DCC: variants seen among roughly 807,000 people sequenced by gnomAD.
DCC encodes the protein DCC netrin 1 receptor, also known as netrin receptor DCC.
In DCC, 58 loss-of-function variants were observed where a neutral mutation model predicts 172.5. The ratio of observed to expected loss-of-function variants is 0.34; its 90% confidence interval spans 0.27 to 0.42. The LOEUF (loss-of-function observed/expected upper bound fraction) is 0.42. Among genes scored for constraint, DCC ranks in the 10% least tolerant of loss-of-function variants. The pLI, the probability that DCC is intolerant of heterozygous loss-of-function variation, is 1.00. For missense variants in DCC, 1,740 were observed against 1,791.0 expected, an observed-to-expected ratio of 0.97 and a Z score of 0.51; for synonymous variants, 709 against 644.5, an observed-to-expected ratio of 1.10 and a Z score of -1.52.
At chr18:52,761,420 A>T (rs1274916380) in intron 2 of DCC, among the ~76,000 whole-genome samples, 1 of 152,198 alleles carries the variant, frequency 6.6e-6, no homozygotes, top group African/African-American at 2.4e-5. Context: ...TATTTGGTAG[A>T]GGTAAGAGAA....
At chr18:52,914,754 A>T (rs1235392971) in intron 3 of DCC, among the ~76,000 whole-genome samples, 8 of 152,146 alleles carry the variant, frequency 5.3e-5, no homozygotes, top group Non-Finnish European at 1.2e-4. Context: ...ATTCTAAAAC[A>T]GAACTAGATG....
At chr18:52,624,016 T>C (rs2034527517) in intron 1 of DCC, among the ~76,000 whole-genome samples, 1 of 152,126 alleles carries the variant, frequency 6.6e-6, no homozygotes, top group Admixed American at 6.6e-5. Flanking sequence ...CAAAAGAGCA[T>C]TGGTTTCATC....
intron 12 of DCC, among the ~76,000 whole-genome samples, chr18:53,222,370 CTTTTTCTTTTTTCTT>C (rs1203025708): frequency 1.8e-3 from 231 of 125,260 alleles, no homozygotes; most frequent in African/African-American, 6.8e-3. Context: ...TTTCTTTTTT[CTTTTTCTTTTTTCTT>C]TTTTTTTTTT....
chr18:52,629,194 T>A (rs1248427251), intron 1 of DCC, among the ~76,000 whole-genome samples: 1 of 152,210 alleles, frequency 6.6e-6, no homozygotes, highest in African/African-American at 2.4e-5. Context: ...CCCATCCGTA[T>A]GTTAGGTTCA....
intron 1 of DCC, among the ~76,000 whole-genome samples, chr18:52,366,900 C>A (rs1299050332): frequency 6.6e-6 from 1 of 152,256 alleles, no homozygotes; most frequent in Non-Finnish European, 1.5e-5. Flanking sequence ...GTGCCGTGCG[C>A]TCGCACTCCT....
At chr18:52,687,018 C>G (rs894416884) in intron 1 of DCC, among the ~76,000 whole-genome samples, 1 of 152,088 alleles carries the variant, frequency 6.6e-6, no homozygotes, top group African/African-American at 2.4e-5. Flanking sequence ...TTAGGTTGAT[C>G]ATCATCTTCT....
intron 2 of DCC, among the ~76,000 whole-genome samples, chr18:52,872,925 T>TA (rs2039344534): frequency 6.6e-6 from 1 of 152,166 alleles, no homozygotes; most frequent in Non-Finnish European, 1.5e-5. Flanking sequence ...ATACAAATTA[T>TA]AAAAAATAAG....
intron 12 of DCC, among the ~76,000 whole-genome samples, chr18:53,256,367 T>C (rs1262543521): frequency 6.6e-6 from 1 of 152,218 alleles, no homozygotes; most frequent in Admixed American, 6.5e-5. Flanking sequence ...AGGTCTTTAA[T>C]CCATCTTGAA....
intron 11 of DCC, among the ~76,000 whole-genome samples, chr18:53,211,576 T>A (rs2144568420): frequency 6.6e-6 from 1 of 151,970 alleles, no homozygotes; most frequent in East Asian, 1.9e-4. Context: ...ACCAAAGAAT[T>A]AGCTGGGCGT....
chr18:52,580,746 T>C (rs2033525712), intron 1 of DCC, among the ~76,000 whole-genome samples: 1 of 152,168 alleles, frequency 6.6e-6, no homozygotes, highest in Admixed American at 6.5e-5. Context: ...TCATTCTAGC[T>C]AAGGTTGCCT....
At chr18:53,016,517 G>T (rs536041980) in intron 5 of DCC, among the ~76,000 whole-genome samples, 30 of 152,016 alleles carry the variant, frequency 2.0e-4, no homozygotes, top group African/African-American at 6.3e-4. Context: ...AACTGAAAAC[G>T]TCTGTTATGT....
At chr18:52,751,020 T>A (rs2036985928) in intron 1 of DCC, among the ~76,000 whole-genome samples, 1 of 152,190 alleles carries the variant, frequency 6.6e-6, no homozygotes. Flanking sequence ...TCACACAAGG[T>A]GTTTCAGGAG....
At chr18:52,398,937 AC>A (rs1372857997) in intron 1 of DCC, among the ~76,000 whole-genome samples, 1 of 151,940 alleles carries the variant, frequency 6.6e-6, no homozygotes, top group African/African-American at 2.4e-5. Context: ...ACCAAATACT[AC>A]CCATTCCTCA....
At chr18:52,828,077 GT>G (rs949745952) in intron 2 of DCC, among the ~76,000 whole-genome samples, 2 of 151,924 alleles carry the variant, frequency 1.3e-5, no homozygotes, top group African/African-American at 4.8e-5. Flanking sequence ...TGTATAAACG[GT>G]TCAATTCCCA....
chr18:52,851,042 A>G (rs1010462503), intron 2 of DCC, among the ~76,000 whole-genome samples: 2 of 152,078 alleles, frequency 1.3e-5, no homozygotes, highest in African/African-American at 4.8e-5. Context: ...CAAAATTGCT[A>G]AAAAGTCAGT....
intron 5 of DCC, among the ~76,000 whole-genome samples, chr18:53,012,914 G>C (rs1000784975): frequency 1.3e-5 from 2 of 152,056 alleles, no homozygotes; most frequent in Admixed American, 1.3e-4. Flanking sequence ...GTGGGCAAAG[G>C]ATATGAACAG....
intron 8 of DCC, among the ~76,000 whole-genome samples, chr18:53,175,022 A>G (rs368075888): frequency 6.6e-6 from 1 of 151,526 alleles, no homozygotes; most frequent in Admixed American, 6.6e-5. Flanking sequence ...CTGGTTCAAT[A>G]TACGCAAATC....
At chr18:52,975,318 TTCTTA>T (rs2041099384) in intron 5 of DCC, among the ~76,000 whole-genome samples, 2 of 152,308 alleles carry the variant, frequency 1.3e-5, no homozygotes, top group African/African-American at 4.8e-5. Context: ...TTTCTTTCTT[TTCTTA>T]TAAGGATACA....
At chr18:53,484,711 C>T (rs2045880963) in intron 25 of DCC, among the ~76,000 whole-genome samples, 1 of 152,038 alleles carries the variant, frequency 6.6e-6, no homozygotes, top group South Asian at 2.1e-4. Context: ...AATTTCTAAT[C>T]AGGAAGTGCA....
Sources: allele counts gnomAD v4.1 joint callset (sites outside exome capture counted in the v4.1 genomes callset), GRCh38; gene constraint gnomAD v4.1.1; transcripts MANE v1.5; gene names NCBI Gene and HGNC (gene_info 2026-07-23, HGNC 2026-07-21).